Variants in REEP3 observed in about 807,000 individuals in gnomAD.
The protein encoded by REEP3 is receptor expression-enhancing protein 3.
REEP3 carries 20 observed loss-of-function variants against 41.3 expected under a neutral mutation model. That is an observed-to-expected ratio of 0.48 (90% confidence interval 0.34 to 0.70). The LOEUF (loss-of-function observed/expected upper bound fraction) is 0.70, where lower values mean the gene tolerates loss of function less well. REEP3 is among the 30% of genes least tolerant of loss of function. The probability of loss-of-function intolerance (pLI) is 0.01; values close to 1 mark genes in which losing one functional copy is unlikely to be tolerated. For missense variants in REEP3, 271 were observed against 308.8 expected (o/e 0.88, Z 0.92); for synonymous variants, 104 against 101.8 (o/e 1.02, Z -0.13).
At chr10:63,550,570 A>G (rs1179668275) in intron 1 of REEP3, among the ~76,000 whole-genome samples, 4 of 152,180 alleles carry the variant, frequency 2.6e-5, no homozygotes, top group African/African-American at 9.6e-5. Context: ...AAAAGCCCCA[A>G]GTACTAAAAA....
At chr10:63,600,626 C>T (rs1430146786) in intron 5 of REEP3, among the ~76,000 whole-genome samples, 1 of 152,052 alleles carries the variant, frequency 6.6e-6, no homozygotes, top group Non-Finnish European at 1.5e-5. Context: ...AAAAGATTAT[C>T]CAGGAGATAA....
rs113975524 is a variant in REEP3 at position 63,533,081 on chromosome 10, C to T, written c.32+11504C>T. 8.4e-3 allele frequency among the ~76,000 whole-genome samples: 1,283 copies of T among 152,316 alleles called. 14 individuals are homozygous for T. Among genetic ancestry groups the T allele is most frequent in the Non-Finnish European group, 0.013 (889 of 68,022 alleles). On this transcript the variant is annotated intron_variant, in intron 1 of 7. Coordinates refer to ENST00000373758, the MANE Select transcript of REEP3 (RefSeq NM_001001330.3). Reference sequence around the variant, plus strand: ...CTTTATAACGTCTAAAATTGTTCAACTTTGAAACTGCCAACATCATGAGTG... The same window carrying T: ...CTTTATAACGTCTAAAATTGTTCAATTTTGAAACTGCCAACATCATGAGTG...
chr10:63,618,006 G>C (rs1050402580), intron 6 of REEP3, among the ~76,000 whole-genome samples: 1 of 150,846 alleles, frequency 6.6e-6, no homozygotes, highest in African/African-American at 2.4e-5. Flanking sequence ...TGTGTTTTTA[G>C]TAGAGTCGGG....
At chr10:63,549,705 C>T (rs557479365) in intron 1 of REEP3, among the ~76,000 whole-genome samples, 13 of 152,210 alleles carry the variant, frequency 8.5e-5, no homozygotes, top group Admixed American at 6.5e-4. Context: ...TCTGAAACCA[C>T]CATATATGTT....
At chr10:63,613,830 G>T (rs1956293486) in intron 6 of REEP3, among the ~76,000 whole-genome samples, 1 of 152,094 alleles carries the variant, frequency 6.6e-6, no homozygotes, top group Non-Finnish European at 1.5e-5. Flanking sequence ...ATTCTTAAAA[G>T]ATTAAGATTT....
chr10:63,567,778 A>G (rs1955813729), intron 2 of REEP3, among the ~76,000 whole-genome samples: 1 of 152,060 alleles, frequency 6.6e-6, no homozygotes, highest in Non-Finnish European at 1.5e-5. Context: ...TTAGATCATT[A>G]TTCTTTATAT....
rs190879219 is a variant in REEP3, at chr10:63,547,078, T to C, written c.33-19260T>C. ...CTGGGATTACAGGCGCCCGCCACCATGCCCAGCTAATTTTTGTATTTTTAG... is the reference window on the plus strand; with the variant it reads ...CTGGGATTACAGGCGCCCGCCACCACGCCCAGCTAATTTTTGTATTTTTAG... On this transcript the variant is annotated intron_variant, in intron 1 of 7. Transcript: ENST00000373758. 6.1e-3 allele frequency among the ~76,000 whole-genome samples: 921 copies of C among 152,190 alleles called. 3 individuals are homozygous for C. The highest frequency in any genetic ancestry group is 0.011 in the Admixed American group (165 of 15,284).
rs1471861131 is a variant in REEP3, at chr10:63,621,155, A to G, written c.*286A>G. ...CAACAGCCTAGAGTGCCTGAGATAT[A>G]AGATGAAACACAAATCCACAGTATA... On this transcript the variant is annotated 3_prime_UTR_variant, in exon 8 of 8. Coordinates refer to ENST00000373758, the MANE Select transcript of REEP3 (RefSeq NM_001001330.3). 4.1e-6 allele frequency: 1 copy of G among 245,962 alleles called. No individual in the cohort carries two copies. The highest frequency in any genetic ancestry group is 2.3e-5 in the African/African-American group (1 of 44,224). 15.2% of individuals were successfully genotyped at this position (245,962 alleles called of 1,614,324 possible).
At chr10:63,580,781 G>A (rs1955946698) in intron 2 of REEP3, among the ~76,000 whole-genome samples, 1 of 152,308 alleles carries the variant, frequency 6.6e-6, no homozygotes, top group Middle Eastern at 3.4e-3. Flanking sequence ...CACTTTGGGA[G>A]GCCAAGGCAG....
At chr10:63,543,463 GTTT>G (rs35146368) in intron 1 of REEP3, among the ~76,000 whole-genome samples, 24 of 138,292 alleles carry the variant, frequency 1.7e-4, no homozygotes, top group Admixed American at 3.6e-4. Context: ...GCCCCATTAA[GTTT>G]TTTTTTTTTT....
intron 5 of REEP3, among the ~76,000 whole-genome samples, chr10:63,608,599 A>T (rs1242218114): frequency 6.6e-6 from 1 of 152,282 alleles, no homozygotes; most frequent in African/African-American, 2.4e-5. Flanking sequence ...AGAAATAATA[A>T]GTATAAAAAA....
At chr10:63,580,737 G>A (rs1209077225) in intron 2 of REEP3, among the ~76,000 whole-genome samples, 1 of 152,036 alleles carries the variant, frequency 6.6e-6, no homozygotes, top group Non-Finnish European at 1.5e-5. Flanking sequence ...TTAAAAAATG[G>A]GCCAGGCACA....
At chr10:63,609,304 T>C (rs984314251) in intron 5 of REEP3, among the ~76,000 whole-genome samples, 1 of 151,046 alleles carries the variant, frequency 6.6e-6, no homozygotes, top group African/African-American at 2.4e-5. Flanking sequence ...TACAAAAAAT[T>C]AGCCAGGCGT....
Position 63,623,755 on chromosome 10 carries a change from A to ATGTG in REEP3, c.*2926_*2929dup, listed in dbSNP as rs57254958. 0.25 allele frequency: 35,890 copies of ATGTG among 142,092 alleles called. 4,422 individuals are homozygous for ATGTG. Among genetic ancestry groups the ATGTG allele is most frequent in the Non-Finnish European group, 0.28 (18,269 of 65,252 alleles). The allele number at this position is 142,092 out of a possible 1,614,324, so 8.8% of individuals were successfully genotyped here. A position where few individuals can be genotyped will look rare whatever the true frequency, so the allele number is the denominator to read the frequency against. On this transcript the variant is annotated 3_prime_UTR_variant, in exon 8 of 8. Transcript: ENST00000373758. ...CCCCCTCACATACTTCACAATATAT[A>ATGTG]TGTGTGTGTGTGTGTGTGTGTGTGT... is the stretch of plus-strand genomic sequence containing the variant.
At chr10:63,606,842 A>C (rs1956233243) in intron 5 of REEP3, among the ~76,000 whole-genome samples, 1 of 152,178 alleles carries the variant, frequency 6.6e-6, no homozygotes, top group South Asian at 2.1e-4. Flanking sequence ...AAAAGGAAAA[A>C]AGTCACCCAT....
At chr10:63,580,135 G>A (rs938397873) in intron 2 of REEP3, among the ~76,000 whole-genome samples, 1 of 152,008 alleles carries the variant, frequency 6.6e-6, no homozygotes, top group Non-Finnish European at 1.5e-5. Context: ...TGTTGTTGTT[G>A]TTGTTGTTGT....
At chr10:63,586,840 C>A (rs1272995787) in intron 2 of REEP3, among the ~76,000 whole-genome samples, 3 of 152,162 alleles carry the variant, frequency 2.0e-5, no homozygotes, top group African/African-American at 7.2e-5. Context: ...CTTATTAATT[C>A]TTTTAATAAG....
chr10:63,585,459 G>A (rs1285936486), intron 2 of REEP3, among the ~76,000 whole-genome samples: 1 of 152,074 alleles, frequency 6.6e-6, no homozygotes, highest in South Asian at 2.1e-4. Context: ...AATACTAGTA[G>A]TTATATATTA....
At chr10:63,551,378 A>T (rs766678977) in intron 1 of REEP3, among the ~76,000 whole-genome samples, 7 of 152,214 alleles carry the variant, frequency 4.6e-5, no homozygotes, top group Non-Finnish European at 1.0e-4. Context: ...ATACAGGAGA[A>T]TAGGTAAATC....
Sources: allele counts gnomAD v4.1 joint callset (sites outside exome capture counted in the v4.1 genomes callset), GRCh38; gene constraint gnomAD v4.1.1; transcripts MANE v1.5; gene names NCBI Gene and HGNC (gene_info 2026-07-23, HGNC 2026-07-21).